The following PCDHGA8 variants were observed in gnomAD, a reference collection of about 807,000 sequenced individuals.
PCDHGA8 encodes protocadherin gamma subfamily A, 8.
PCDHGA8 carries 45 observed loss-of-function variants against 59.2 expected under a neutral mutation model. That is an observed-to-expected ratio of 0.76 (90% CI 0.60 to 0.98). The LOEUF (loss-of-function observed/expected upper bound fraction) is 0.98. Ranked by LOEUF, PCDHGA8 falls within the 50% of genes least tolerant of loss-of-function variation. PCDHGA8 has a pLI of 0.00. For missense variants in PCDHGA8, 1,257 were observed against 1,196.2 expected, an observed-to-expected ratio of 1.05 and a Z score of -0.75; for synonymous variants, 531 against 519.0, an observed-to-expected ratio of 1.02 and a Z score of -0.32.
At chr5:141,428,407 T>C in intron 1 of PCDHGA8, 1 of 470,350 alleles carries the variant, frequency 2.1e-6, no homozygotes, top group South Asian at 2.0e-5. Context: ...CTGGGGTTGC[T>C]TTCACCCTGG....
chr5:141,401,503 C>A (rs755118621), intron 1 of PCDHGA8, among the ~76,000 whole-genome samples: 1 of 151,946 alleles, frequency 6.6e-6, no homozygotes, highest in Non-Finnish European at 1.5e-5. Flanking sequence ...AATCCTTTTC[C>A]ACCTCTATAT....
intron 1 of PCDHGA8, chr5:141,419,639 G>A (rs1478835703): frequency 6.2e-7 from 1 of 1,612,442 alleles, no homozygotes; most frequent in African/African-American, 1.3e-5. Flanking sequence ...GGTGGTGGCC[G>A]TGGACGCGGA....
intron 1 of PCDHGA8, chr5:141,428,211 C>A: frequency 7.8e-7 from 1 of 1,284,316 alleles, no homozygotes; most frequent in Non-Finnish European, 1.1e-6. Context: ...CTACGCTTCA[C>A]CTAGTCTTCG....
In PCDHGA8 at chr5:141,476,714, C is replaced by G. The variant is rs146188020; in HGVS notation, c.2425-18093C>G. 3.1e-6 allele frequency: 5 copies of G among 1,614,036 alleles called. No individual in the cohort carries two copies. Among genetic ancestry groups the G allele is most frequent in the African/African-American group, 2.7e-5 (2 of 74,938 alleles). ...CAAGTACGCGGAGCTGGTGTTGGAGCGCGCCCTGGACCGAGAACGGGAGCC... is the reference window on the plus strand; with the variant it reads ...CAAGTACGCGGAGCTGGTGTTGGAGGGCGCCCTGGACCGAGAACGGGAGCC... On this transcript the variant is annotated intron_variant, in intron 1 of 3. Transcript: ENST00000398604. This position sits in a 1 kb window ranked among gnomAD's most constrained non-coding sequence, Gnocchi z 7.6.
Position 141,431,938 on chromosome 5 carries a change from A to G in PCDHGA8, c.2424+36701A>G, listed in dbSNP as rs150199588. 49 of 1,614,050 alleles carry G rather than the reference A, an allele frequency of 3.0e-5. No individual in the cohort carries two copies. Among genetic ancestry groups the G allele is most frequent in the Non-Finnish European group, 3.9e-5 (46 of 1,180,026 alleles). Reference sequence around the variant, plus strand: ...TCATCCAAGGAAATCTGCCCTTTAAATTAGAAAAATCTTACGGAAATTACT... The same window carrying G: ...TCATCCAAGGAAATCTGCCCTTTAAGTTAGAAAAATCTTACGGAAATTACT... On this transcript the variant is annotated intron_variant, in intron 1 of 3. Coordinates refer to ENST00000398604, the MANE Select transcript of PCDHGA8 (RefSeq NM_032088.2). This position sits in a 1 kb window ranked among gnomAD's most constrained non-coding sequence, Gnocchi z 4.8.
At chr5:141,414,231 C>T (rs2095722548) in intron 1 of PCDHGA8, 1 of 1,613,304 alleles carries the variant, frequency 6.2e-7, no homozygotes, top group South Asian at 1.1e-5. Flanking sequence ...CAGAGCTGAC[C>T]ATCACGTCTC....
At chr5:141,456,214 G>C (rs552287407) in intron 1 of PCDHGA8, among the ~76,000 whole-genome samples, 8 of 152,136 alleles carry the variant, frequency 5.3e-5, no homozygotes, top group Non-Finnish European at 7.4e-5. Context: ...CCTCCCTGTG[G>C]CGATATCAAA....
At chr5:141,451,762 T>C (rs2154563695) in intron 1 of PCDHGA8, among the ~76,000 whole-genome samples, 1 of 152,100 alleles carries the variant, frequency 6.6e-6, no homozygotes, top group African/African-American at 2.4e-5. Flanking sequence ...ATGCCTATAG[T>C]CCCAGCTACT....
intron 1 of PCDHGA8, among the ~76,000 whole-genome samples, chr5:141,447,285 A>G (rs143024915): frequency 0.046 from 7,013 of 152,060 alleles, 241 homozygotes; most frequent in African/African-American, 0.093. Context: ...GACTACAGGC[A>G]CATGCCACCA....
rs535152193 is a variant in PCDHGA8, at chr5:141,422,906, C to G, written c.2424+27669C>G. ...TTCGTGCTGGACCAGAACGACAATG[C>G]GCCCGAGATCCTGTACCCTGCCCTC... On this transcript the variant is annotated intron_variant, in intron 1 of 3. Transcript: ENST00000398604. 6 of 1,614,264 alleles carry G rather than the reference C, an allele frequency of 3.7e-6. No homozygotes were observed. The South Asian group carries it at 6.6e-5, about 18-fold the overall frequency.
intron 1 of PCDHGA8, chr5:141,404,805 C>G (rs770534822): frequency 1.3e-5 from 21 of 1,613,960 alleles, no homozygotes; most frequent in Non-Finnish European, 1.8e-5. Context: ...GGGCTCTTCT[C>G]GGTGGGGCTG....
chr5:141,421,227 C>T (rs1387397967), intron 1 of PCDHGA8: 1 of 1,587,020 alleles, frequency 6.3e-7, no homozygotes, highest in Non-Finnish European at 8.6e-7. Context: ...TAGAGCCTGC[C>T]ATGGCGAATC....
At chr5:141,429,468 A>G (rs2097217267) in intron 1 of PCDHGA8, among the ~76,000 whole-genome samples, 1 of 152,048 alleles carries the variant, frequency 6.6e-6, no homozygotes, top group Admixed American at 6.6e-5. Flanking sequence ...TCCCACCTCA[A>G]TCTCCAGAGT....
chr5:141,419,591 G>A lies in PCDHGA8; in HGVS notation c.2424+24354G>A, dbSNP rs574335266. The A allele has an allele frequency of 2.2e-5, 35 of 1,611,826 alleles. No individual in the cohort carries two copies. The African/African-American group carries it at 4.0e-4, about 18-fold the overall frequency. On this transcript the variant is annotated intron_variant, in intron 1 of 3. Coordinates refer to ENST00000398604, the MANE Select transcript of PCDHGA8 (RefSeq NM_032088.2). ...CGACGGCTCCGCGCTCTTCGACACA[G>A]TGCCGCGGGCCGCGCAGCCAGGCTA...
Position 141,433,012 on chromosome 5 carries a change from G to C in PCDHGA8, c.2424+37775G>C. 1 of 1,614,172 alleles carries C rather than the reference G, an allele frequency of 6.2e-7. No homozygotes were observed. Among genetic ancestry groups the C allele is most frequent in the South Asian group, 1.1e-5 (1 of 91,080 alleles). The stretch of plus-strand genomic sequence containing the variant: ...TGGACGGGGTGCAGGCTTTCCTGCA[G>C]ACCTATTCCCACGAGGTTTCCCTCA... On this transcript the variant is annotated intron_variant, in intron 1 of 3. Coordinates refer to ENST00000398604, the MANE Select transcript of PCDHGA8 (RefSeq NM_032088.2).
intron 1 of PCDHGA8, 96 bp from the exon 2 acceptor site, chr5:141,494,711 A>G (rs757105958): frequency 6.3e-7 from 1 of 1,599,616 alleles, no homozygotes; most frequent in Non-Finnish European, 8.5e-7. Flanking sequence ...CTCTGTGCCC[A>G]CTCCCCTCCT....
rs146719320 is a variant in PCDHGA8, at chr5:141,444,557, A to T, written c.2424+49320A>T. ...TGTGTCTAGTGAGCAAAAGGCACTTATTTGACACTTTTGACTCTTCCTTTC... is the reference window on the plus strand; with the variant it reads ...TGTGTCTAGTGAGCAAAAGGCACTTTTTTGACACTTTTGACTCTTCCTTTC... On this transcript the variant is annotated intron_variant, in intron 1 of 3. Transcript: ENST00000398604. Among the ~76,000 whole-genome samples, 1,352 of 152,248 alleles carry T rather than the reference A, an allele frequency of 8.9e-3. 18 individuals carry two copies. The highest frequency in any genetic ancestry group is 0.031 in the African/African-American group (1,277 of 41,558).
intron 1 of PCDHGA8, among the ~76,000 whole-genome samples, chr5:141,460,979 GTGTGTATATA>G (rs143444831): frequency 0.04 from 5,417 of 134,264 alleles, 125 homozygotes; most frequent in South Asian, 0.082. Context: ...GTGTGTGTGT[GTGTGTATATA>G]TATATATGTG....
At chr5:141,410,393 C>G in intron 1 of PCDHGA8, 3 of 1,614,046 alleles carry the variant, frequency 1.9e-6, no homozygotes, top group Non-Finnish European at 2.5e-6. Flanking sequence ...CCATCCTGGT[C>G]TCTGTGTCAA....
Sources: allele counts gnomAD v4.1 joint callset (sites outside exome capture counted in the v4.1 genomes callset), GRCh38; gene constraint gnomAD v4.1.1; non-coding constraint Gnocchi (gnomAD v3.1); transcripts MANE v1.5; gene names NCBI Gene and HGNC (gene_info 2026-07-23, HGNC 2026-07-21).